PCDHGA6: variants seen among roughly 807,000 people sequenced by gnomAD.
The protein encoded by PCDHGA6 is protocadherin gamma subfamily A, 6, also known as protocadherin gamma-A6.
In PCDHGA6, 41 loss-of-function variants were observed where a neutral mutation model predicts 60.6. The observed-to-expected ratio is 0.68, with a 90% CI of 0.53 to 0.88. PCDHGA6 has a LOEUF of 0.88. PCDHGA6 is among the 40% of genes least tolerant of loss of function. The pLI, the probability that PCDHGA6 is intolerant of heterozygous loss-of-function variation, is 0.00. For missense variants in PCDHGA6, 1,312 were observed against 1,203.0 expected (o/e 1.09, Z -1.34); for synonymous variants, 594 against 524.4 (o/e 1.13, Z -1.81).
intron 1 of PCDHGA6, among the ~76,000 whole-genome samples, chr5:141,447,805 G>A (rs1389870133): frequency 2.0e-5 from 3 of 152,064 alleles, no homozygotes; most frequent in Admixed American, 2.0e-4. Context: ...AATAAAATTG[G>A]CTGGGCGTGG....
chr5:141,477,193 C>G lies in PCDHGA6; in HGVS notation c.2425-17614C>G. The G allele has an allele frequency of 6.2e-7, 1 of 1,614,176 alleles. No homozygotes were observed. Among genetic ancestry groups the G allele is most frequent in the Non-Finnish European group, 8.5e-7 (1 of 1,180,036 alleles). On this transcript the variant is annotated intron_variant, in intron 1 of 3. Transcript: ENST00000517434. This position sits in a 1 kb window ranked among gnomAD's most constrained non-coding sequence, Gnocchi z 4.9. ...AGATCACAGTCACCTCCGTGTACAG[C>G]CCAGTACCCGAGGATGCCCCTCTGG...
In PCDHGA6 at chr5:141,486,172, T is replaced by C; in HGVS notation, c.2425-8635T>C. ...GGGGTTCTCCAGCCATGGAGCAACA[T>C]TGCAGCCTTCGAGTGGATCTGCTGG... On this transcript the variant is annotated intron_variant, in intron 1 of 3. Transcript: ENST00000517434. The surrounding 1 kb of genome is among the most constrained non-coding windows in gnomAD (Gnocchi z 5.0). 3 of 1,614,212 alleles carry C rather than the reference T, an allele frequency of 1.9e-6. No homozygotes were observed. Among genetic ancestry groups the C allele is most frequent in the Admixed American group, 1.7e-5 (1 of 60,036 alleles).
At chr5:141,388,923 T>G (rs374663443) in intron 1 of PCDHGA6, 2 of 1,614,002 alleles carry the variant, frequency 1.2e-6, no homozygotes, top group Admixed American at 1.7e-5. Context: ...AGAAGTGATA[T>G]TCCAGTCTCT....
chr5:141,472,281 C>A (rs944776124), intron 1 of PCDHGA6, among the ~76,000 whole-genome samples: 2 of 152,202 alleles, frequency 1.3e-5, no homozygotes, highest in Non-Finnish European at 2.9e-5. Context: ...GTGGCTCACA[C>A]CTGTAATCCC....
intron 1 of PCDHGA6, chr5:141,417,908 C>G (rs1255727429): frequency 6.3e-7 from 1 of 1,597,500 alleles, no homozygotes; most frequent in Non-Finnish European, 8.5e-7. Context: ...GCGGCAGGTA[C>G]TATTTCCTTT....
intron 1 of PCDHGA6, among the ~76,000 whole-genome samples, chr5:141,465,966 C>T (rs904439039): frequency 5.3e-5 from 8 of 151,802 alleles, no homozygotes; most frequent in Non-Finnish European, 1.0e-4. Context: ...ACTAAAAATA[C>T]AAAAAATTAG....
chr5:141,480,946 G>A (rs1415705408), intron 1 of PCDHGA6, among the ~76,000 whole-genome samples: 1 of 152,172 alleles, frequency 6.6e-6, no homozygotes, highest in Non-Finnish European at 1.5e-5. Context: ...TCTAGAGGCT[G>A]AGGCGGAAGC....
In PCDHGA6 at chr5:141,415,152, C is replaced by G. The variant is rs758450562; in HGVS notation, c.2424+38645C>G. ...AGGACCACGGCCAGCCCCCTCTCTCCGCCACTGTCACGCTCACCGTGGCCG... is the reference window on the plus strand; with the variant it reads ...AGGACCACGGCCAGCCCCCTCTCTCGGCCACTGTCACGCTCACCGTGGCCG... On this transcript the variant is annotated intron_variant, in intron 1 of 3. Transcript: ENST00000517434. The G allele has an allele frequency of 1.9e-6, 3 of 1,613,812 alleles. No individual in the cohort carries two copies. In the Admixed American group the frequency reaches 5.0e-5, roughly 27 times the overall value.
chr5:141,485,958 T>C lies in PCDHGA6; in HGVS notation c.2425-8849T>C. On this transcript the variant is annotated intron_variant, in intron 1 of 3. Transcript: ENST00000517434. The surrounding 1 kb of genome is among the most constrained non-coding windows in gnomAD (Gnocchi z 5.7). ...AGCGCACCAGCGGGCATGGTGCTCATCCAGCTCAATGCCTCAGACCCGGAC... is the reference window on the plus strand; with the variant it reads ...AGCGCACCAGCGGGCATGGTGCTCACCCAGCTCAATGCCTCAGACCCGGAC... 1 of 1,614,190 alleles carries C rather than the reference T, an allele frequency of 6.2e-7. No individual in the cohort carries two copies. The highest frequency in any genetic ancestry group is 8.5e-7 in the Non-Finnish European group (1 of 1,180,032).
At chr5:141,509,486 A>G (rs1022659275) in intron 3 of PCDHGA6, among the ~76,000 whole-genome samples, 10 of 152,132 alleles carry the variant, frequency 6.6e-5, no homozygotes, top group African/African-American at 2.4e-4. Flanking sequence ...GGTAGAGGTG[A>G]TGGCATGCTG....
At chr5:141,481,282 T>C (rs2099534931) in intron 1 of PCDHGA6, among the ~76,000 whole-genome samples, 1 of 152,148 alleles carries the variant, frequency 6.6e-6, no homozygotes, top group African/African-American at 2.4e-5. Flanking sequence ...CATAAAATGG[T>C]ATTTCAGTCA....
intron 2 of PCDHGA6, among the ~76,000 whole-genome samples, chr5:141,499,884 C>T (rs917762715): frequency 2.0e-5 from 3 of 152,014 alleles, no homozygotes; most frequent in Admixed American, 6.5e-5. Flanking sequence ...AACAGGGTTT[C>T]GCCATGTTGG....
Position 141,431,145 on chromosome 5 carries a change from A to G in PCDHGA6, c.2424+54638A>G. The G allele has an allele frequency of 1.2e-6, 2 of 1,614,244 alleles. No homozygotes were observed. Among genetic ancestry groups the G allele is most frequent in the Non-Finnish European group, 1.7e-6 (2 of 1,180,042 alleles). On this transcript the variant is annotated intron_variant, in intron 1 of 3. Transcript: ENST00000517434. The surrounding 1 kb of genome is among the most constrained non-coding windows in gnomAD (Gnocchi z 4.8). ...GTAGAAGTAAGGGACATTAACGACA[A>G]TGCGCCTTACTTTCGTGAAAGTGAA... is the stretch of plus-strand genomic sequence containing the variant.
intron 1 of PCDHGA6, among the ~76,000 whole-genome samples, chr5:141,460,914 A>G (rs62379191): frequency 4.9e-5 from 6 of 122,236 alleles, no homozygotes; most frequent in Non-Finnish European, 5.2e-5. Context: ...TCCATGGTGT[A>G]TATATATATA....
chr5:141,441,884 C>A (rs2098281796), intron 1 of PCDHGA6: 10 of 343,702 alleles, frequency 2.9e-5, no homozygotes, highest in South Asian at 2.6e-4. Context: ...TACCTGGTCA[C>A]CAAGGTGGTG....
Position 141,487,623 on chromosome 5 carries a change from CT to C in PCDHGA6, c.2425-7181del. 1 of 1,614,206 alleles carries C rather than the reference CT, an allele frequency of 6.2e-7. No homozygotes were observed. Among genetic ancestry groups the C allele is most frequent in the Non-Finnish European group, 8.5e-7 (1 of 1,180,044 alleles). On this transcript the variant is annotated intron_variant, in intron 1 of 3. Transcript: ENST00000517434. This position sits in a 1 kb window ranked among gnomAD's most constrained non-coding sequence, Gnocchi z 5.0. ...CTTCTCTATGGGCTAGAGGTGAGAC[CT>C]TTGCAGGCTCAACAAATGCTTGAGG...
At chr5:141,407,976 G>T (rs1392473551) in intron 1 of PCDHGA6, 2 of 742,146 alleles carry the variant, frequency 2.7e-6, no homozygotes, top group South Asian at 2.3e-5. Flanking sequence ...CTGACGCCGG[G>T]GATCCGTCAG....
intron 1 of PCDHGA6, chr5:141,390,073 G>C: frequency 6.2e-7 from 1 of 1,614,074 alleles, no homozygotes; most frequent in Non-Finnish European, 8.5e-7. Context: ...CCTGGTCTCT[G>C]TGTTAAATCC....
intron 1 of PCDHGA6, chr5:141,423,846 C>G: frequency 1.6e-6 from 2 of 1,278,968 alleles, no homozygotes; most frequent in Non-Finnish European, 2.0e-6. Flanking sequence ...GATAATCTTT[C>G]AGAACGTTTT....
Sources: allele counts gnomAD v4.1 joint callset (sites outside exome capture counted in the v4.1 genomes callset), GRCh38; gene constraint gnomAD v4.1.1; non-coding constraint Gnocchi (gnomAD v3.1); transcripts MANE v1.5; gene names NCBI Gene and HGNC (gene_info 2026-07-23, HGNC 2026-07-21).